NEGR1: variants seen among roughly 807,000 people sequenced by gnomAD.
NEGR1 encodes the protein IgLON family member 4.
Under a neutral mutation model 40.9 loss-of-function variants are expected in NEGR1, and 10 were observed. The observed-to-expected ratio is 0.24, with a 90% confidence interval of 0.15 to 0.42. NEGR1 has a LOEUF of 0.42. Ranked by LOEUF, NEGR1 falls within the 10% of genes least tolerant of loss-of-function variation. NEGR1 has a pLI of 1.00. For synonymous variants in NEGR1, 185 were observed against 166.8 expected, an observed-to-expected ratio of 1.11 and a Z score of -0.84; for missense variants, 352 against 438.9, an observed-to-expected ratio of 0.80 and a Z score of 1.77.
intron 1 of NEGR1, among the ~76,000 whole-genome samples, chr1:72,003,154 C>T (rs1365863767): frequency 6.6e-6 from 1 of 151,844 alleles, no homozygotes; most frequent in African/African-American, 2.4e-5. Flanking sequence ...CAGGAATAAC[C>T]TAAAGTATGT....
intron 6 of NEGR1, among the ~76,000 whole-genome samples, chr1:71,586,309 T>G (rs1649304146): frequency 6.6e-6 from 1 of 152,146 alleles, no homozygotes; most frequent in Admixed American, 6.6e-5. Flanking sequence ...TCAAAACAAA[T>G]TATTTGGAAC....
chr1:72,268,011 AG>A (rs1655706830), intron 1 of NEGR1, among the ~76,000 whole-genome samples: 1 of 151,406 alleles, frequency 6.6e-6, no homozygotes, highest in Non-Finnish European at 1.5e-5. Flanking sequence ...TCCAAGAAGT[AG>A]AAACAATATG....
chr1:72,036,578 C>T (rs1646904776), intron 1 of NEGR1, among the ~76,000 whole-genome samples: 1 of 150,804 alleles, frequency 6.6e-6, no homozygotes, highest in African/African-American at 2.4e-5. Flanking sequence ...ATCTCTTGAA[C>T]CTGGGAGGCG....
chr1:71,809,255 C>T (rs1261607699), intron 2 of NEGR1, among the ~76,000 whole-genome samples: 1 of 152,114 alleles, frequency 6.6e-6, no homozygotes, highest in Non-Finnish European at 1.5e-5. Flanking sequence ...CTCCTCCCAT[C>T]ATCATTACAC....
intron 6 of NEGR1, among the ~76,000 whole-genome samples, chr1:71,510,990 C>T (rs970395533): frequency 1.3e-5 from 2 of 152,204 alleles, no homozygotes; most frequent in Non-Finnish European, 2.9e-5. Context: ...GTTAGTAAAA[C>T]TCTTGAGGCC....
chr1:71,884,122 G>T (rs1219835698), intron 2 of NEGR1, among the ~76,000 whole-genome samples: 1 of 152,016 alleles, frequency 6.6e-6, no homozygotes, highest in Admixed American at 6.6e-5. Context: ...AAAGTCTACT[G>T]AAAGCAGTTC....
At chr1:71,570,096 C>T in intron 6 of NEGR1, among the ~76,000 whole-genome samples, 1 of 152,168 alleles carries the variant, frequency 6.6e-6, no homozygotes. Flanking sequence ...AATTTGCGAA[C>T]CATTTTCTTA....
intron 2 of NEGR1, among the ~76,000 whole-genome samples, chr1:71,885,793 C>T (rs1220541870): frequency 6.6e-6 from 1 of 152,074 alleles, no homozygotes; most frequent in African/African-American, 2.4e-5. Context: ...AGTATTATAA[C>T]TTTCTCTTTA....
chr1:72,267,823 CATA>C (rs1289483718), intron 1 of NEGR1, among the ~76,000 whole-genome samples: 3 of 151,108 alleles, frequency 2.0e-5, no homozygotes, highest in Non-Finnish European at 4.5e-5. Flanking sequence ...AGGAGAAACA[CATA>C]ATGATGGTAA....
intron 1 of NEGR1, among the ~76,000 whole-genome samples, chr1:72,238,685 C>A (rs1194268): frequency 6.6e-6 from 1 of 151,814 alleles, no homozygotes; most frequent in African/African-American, 2.4e-5. Context: ...TTCCTTTGTG[C>A]AATTCTATTA....
At chr1:72,113,178 A>C (rs919783189) in intron 1 of NEGR1, among the ~76,000 whole-genome samples, 1 of 151,636 alleles carries the variant, frequency 6.6e-6, no homozygotes, top group Non-Finnish European at 1.5e-5. Flanking sequence ...TGAATTTATG[A>C]ACGGACTAGC....
intron 1 of NEGR1, among the ~76,000 whole-genome samples, chr1:72,233,907 A>G (rs1654462629): frequency 6.6e-6 from 1 of 152,104 alleles, no homozygotes; most frequent in South Asian, 2.1e-4. Flanking sequence ...TTACATTCCC[A>G]CCAACTGTGT....
chr1:72,047,852 C>T (rs1287376529), intron 1 of NEGR1, among the ~76,000 whole-genome samples: 1 of 151,448 alleles, frequency 6.6e-6, no homozygotes, highest in Non-Finnish European at 1.5e-5. Context: ...CATTGGTAGA[C>T]ATTAAGTCTT....
At chr1:71,804,628 C>T (rs1322299941) in intron 2 of NEGR1, among the ~76,000 whole-genome samples, 1 of 152,162 alleles carries the variant, frequency 6.6e-6, no homozygotes, top group East Asian at 1.9e-4. Context: ...TTCATGGACA[C>T]TTATCACTTC....
Position 71,406,365 on chromosome 1 carries a change from A to G in NEGR1, c.*1081T>C, listed in dbSNP as rs1482895778. ...CCTCTGTCATACTAACTTAGCTGCC[A>G]CAAAATAAAATTAATGATGAGCGCT... On this transcript the variant is annotated 3_prime_UTR_variant, in exon 7 of 7. Coordinates refer to ENST00000357731, the MANE Select transcript of NEGR1 (RefSeq NM_173808.3). 6.6e-6 allele frequency: 1 copy of G among 151,926 alleles called. No homozygotes were observed. The highest frequency in any genetic ancestry group is 1.5e-5 in the Non-Finnish European group (1 of 67,874). 9.4% of individuals were successfully genotyped at this position (151,926 alleles called of 1,614,324 possible).
chr1:71,650,900 A>C (rs1471696158), intron 4 of NEGR1, among the ~76,000 whole-genome samples: 1 of 152,152 alleles, frequency 6.6e-6, no homozygotes, highest in Non-Finnish European at 1.5e-5. Context: ...ATAATTAGAT[A>C]ATACATTACT....
chr1:71,761,789 G>A (rs139917768), intron 3 of NEGR1, among the ~76,000 whole-genome samples: 2 of 151,870 alleles, frequency 1.3e-5, no homozygotes, highest in Admixed American at 1.3e-4. Context: ...CAGTTGAACT[G>A]CCATAAAAGA....
chr1:71,732,530 G>A (rs569547807), intron 3 of NEGR1, among the ~76,000 whole-genome samples: 2 of 151,204 alleles, frequency 1.3e-5, no homozygotes, highest in East Asian at 2.0e-4. Context: ...GCGCGCGCGC[G>A]CCAGCTTGTG....
At chr1:71,936,643 C>A (rs1306890552) in intron 1 of NEGR1, among the ~76,000 whole-genome samples, 1 of 152,024 alleles carries the variant, frequency 6.6e-6, no homozygotes, top group Non-Finnish European at 1.5e-5. Flanking sequence ...CTACAAATAA[C>A]CATGAGATAT....
Sources: gnomAD v4.1 joint callset for allele counts (sites outside exome capture counted in the v4.1 genomes callset) on GRCh38, gnomAD v4.1.1 for gene constraint, MANE v1.5 for transcripts, NCBI Gene and HGNC (gene_info 2026-07-23, HGNC 2026-07-21) for gene names.